BIN1: variants seen among roughly 807,000 people sequenced by gnomAD.
BIN1 encodes myc box-dependent-interacting protein 1.
Under a neutral mutation model 82.0 loss-of-function variants are expected in BIN1, and 53 were observed. The ratio of observed to expected loss-of-function variants is 0.65; its 90% CI spans 0.52 to 0.81. The LOEUF is 0.81. Ranked by LOEUF, BIN1 falls within the 40% of genes least tolerant of loss-of-function variation. The pLI is 0.00. For missense variants in BIN1, 642 were observed against 784.4 expected, an observed-to-expected ratio of 0.82 and a Z score of 2.17; for synonymous variants, 302 against 328.0, an observed-to-expected ratio of 0.92 and a Z score of 0.86.
chr2:127,051,302 G>C (rs1361563720), intron 15 of BIN1, 59 bp from the exon 16 acceptor site: 1 of 1,577,844 alleles, frequency 6.3e-7, no homozygotes, highest in Non-Finnish European at 8.7e-7. Flanking sequence ...CAGGACACAG[G>C]AAACAGGCCA....
In BIN1 at chr2:127,105,467, CCCTCCT is replaced by C. The variant is rs70985434; in HGVS notation, c.84+1387_84+1392del. Among the ~76,000 whole-genome samples, 80 of 55,804 alleles carry C rather than the reference CCCTCCT, an allele frequency of 1.4e-3. 1 individual carries two copies. The South Asian group carries it at 0.021, about 15-fold the overall frequency. The allele number at this position is 55,804 out of a possible 152,430, so 36.6% of individuals were successfully genotyped here. A position where few individuals can be genotyped will look rare whatever the true frequency, so the allele number is the denominator to read the frequency against. On this transcript the variant is annotated intron_variant, in intron 1 of 18. Coordinates refer to ENST00000316724, the MANE Select transcript of BIN1 (RefSeq NM_139343.3). ...AGCCAGCTATTCCTGGGGCTTTAAT[CCCTCCT>C]CCTCCTCCTCCTCCTCCTCCTCCTC... is the stretch of plus-strand genomic sequence containing the variant.
chr2:127,057,350 G>T lies in BIN1; in HGVS notation c.1131+123C>A. 7.7e-7 allele frequency: 1 copy of T among 1,301,568 alleles called. No individual in the cohort carries two copies. Among genetic ancestry groups the T allele is most frequent in the Non-Finnish European group, 1.0e-6 (1 of 986,522 alleles). 80.6% of individuals were successfully genotyped at this position (1,301,568 alleles called of 1,614,324 possible). ...TGGAGGGAACAAAGGGTGAGAGAGGGAAACTGACACTCTCTCTGGCCAGAT... is the reference window on the plus strand; with the variant it reads ...TGGAGGGAACAAAGGGTGAGAGAGGTAAACTGACACTCTCTCTGGCCAGAT... On this transcript the variant is annotated intron_variant, in intron 12 of 18. Coordinates refer to ENST00000316724, the MANE Select transcript of BIN1 (RefSeq NM_139343.3). This position sits in a 1 kb window ranked among gnomAD's most constrained non-coding sequence, Gnocchi z 5.0.
At chr2:127,051,633 C>T (rs1185435425) in intron 15 of BIN1, among the ~76,000 whole-genome samples, 1 of 152,224 alleles carries the variant, frequency 6.6e-6, no homozygotes, top group African/African-American at 2.4e-5. Context: ...TCTTGCTGCA[C>T]CTATAGATAG....
At chr2:127,074,790 C>T (rs1290098512) in intron 2 of BIN1, among the ~76,000 whole-genome samples, 1 of 152,216 alleles carries the variant, frequency 6.6e-6, no homozygotes, top group Non-Finnish European at 1.5e-5. Flanking sequence ...GCAACCTCTG[C>T]CTCCCAGGTT....
chr2:127,051,935 A>T (rs1183704651), intron 15 of BIN1, among the ~76,000 whole-genome samples: 5 of 152,170 alleles, frequency 3.3e-5, no homozygotes, highest in Admixed American at 6.5e-5. Flanking sequence ...CTGGCTGTAA[A>T]GGTGATGACG....
At chr2:127,076,914 C>T (rs377066598) in intron 1 of BIN1, among the ~76,000 whole-genome samples, 73 of 152,126 alleles carry the variant, frequency 4.8e-4, no homozygotes, top group African/African-American at 1.6e-3. Context: ...ACCCAGGGCT[C>T]GACAATAGGC....
chr2:127,060,598 GTTC>G (rs756515176), intron 10 of BIN1: 23 of 1,614,204 alleles, frequency 1.4e-5, no homozygotes, highest in Middle Eastern at 1.6e-4. Flanking sequence ...GCCGGTACCT[GTTC>G]TTCTTTCTGC....
At chr2:127,094,330 C>T (rs1679307642) in intron 1 of BIN1, among the ~76,000 whole-genome samples, 1 of 152,244 alleles carries the variant, frequency 6.6e-6, no homozygotes, top group African/African-American at 2.4e-5. Flanking sequence ...GCCTCACATG[C>T]CAATTCACTT....
rs116251462 is a variant in BIN1, at chr2:127,063,883, C to T, written c.698+50G>A. ...AGCACGCAGACTGGGCACCGCAGCACGCAGACTGGACACTGCCCCACGCAG... is the reference window on the plus strand; with the variant it reads ...AGCACGCAGACTGGGCACCGCAGCATGCAGACTGGACACTGCCCCACGCAG... On this transcript the variant is annotated intron_variant, in intron 8 of 18. Coordinates refer to ENST00000316724, the MANE Select transcript of BIN1 (RefSeq NM_139343.3). 8.7e-4 allele frequency: 1,399 copies of T among 1,609,302 alleles called. 7 individuals carry two copies. The African/African-American group carries it at 0.016, about 19-fold the overall frequency.
rs200357251 is a variant in BIN1 at position 127,106,833 on chromosome 2, C to A, written c.84+27G>T. On this transcript the variant is annotated intron_variant, in intron 1 of 18. Transcript: ENST00000316724. ...GGGCTCCGCGGCGGCTGGGACTCCGCGGCTGCTGGGGCTCCGGCTCGCTCA... is the reference window on the plus strand; with the variant it reads ...GGGCTCCGCGGCGGCTGGGACTCCGAGGCTGCTGGGGCTCCGGCTCGCTCA... 8.4e-5 allele frequency: 132 copies of A among 1,578,314 alleles called. 1 individual carries two copies. In the African/African-American group the frequency reaches 1.6e-3, roughly 20 times the overall value.
rs1678724770 is a variant in BIN1 at position 127,090,103 on chromosome 2, C to G, written c.85-13397G>C. ...CCTTGGAACAGCATATACCAACCAC[C>G]CCCCTTCCTCTCTCCAATCAAGCTC... On this transcript the variant is annotated intron_variant, in intron 1 of 18. Transcript: ENST00000316724. The surrounding 1 kb of genome is among the most constrained non-coding windows in gnomAD (Gnocchi z 6.4). Among the ~76,000 whole-genome samples the G allele has an allele frequency of 6.6e-6, 1 of 152,082 alleles. No homozygotes were observed. The highest frequency in any genetic ancestry group is 1.5e-5 in the Non-Finnish European group (1 of 68,000).
intron 18 of BIN1, among the ~76,000 whole-genome samples, chr2:127,049,118 G>A (rs559691677): frequency 2.2e-4 from 33 of 152,332 alleles, no homozygotes; most frequent in Non-Finnish European, 3.8e-4. Context: ...ACGGGGAGCC[G>A]TATGGCCATC....
rs894823575 is a variant in BIN1 at position 127,048,380 on chromosome 2, G to C, written c.*146C>G. ...CTTTGGAAAACGACCTAATCTTTGG[G>C]AGAACGCCCCTCTGCCTGGGGGTCT... On this transcript the variant is annotated 3_prime_UTR_variant, in exon 19 of 19. Coordinates refer to ENST00000316724, the MANE Select transcript of BIN1 (RefSeq NM_139343.3). 2.7e-6 allele frequency: 2 copies of C among 744,472 alleles called. No homozygotes were observed. Among genetic ancestry groups the C allele is most frequent in the African/African-American group, 1.8e-5 (1 of 56,692 alleles). The allele number at this position is 744,472 out of a possible 1,614,324, so 46.1% of individuals were successfully genotyped here.
At chr2:127,074,284 C>T (rs759817338) in intron 2 of BIN1, among the ~76,000 whole-genome samples, 6 of 152,162 alleles carry the variant, frequency 3.9e-5, no homozygotes, top group Non-Finnish European at 8.8e-5. Flanking sequence ...CTGGTCCCCA[C>T]ACCCTGCCAT....
intron 1 of BIN1, among the ~76,000 whole-genome samples, chr2:127,080,594 G>A (rs969433150): frequency 1.3e-4 from 20 of 152,316 alleles, no homozygotes; most frequent in Non-Finnish European, 1.9e-4. Flanking sequence ...GGCGGCGGAC[G>A]AGACACACAG....
intron 1 of BIN1, 40 bp downstream of exon 1, chr2:127,106,820 G>GGCTGGGACTCCGCGGCT (rs1367810250): frequency 5.7e-6 from 9 of 1,565,972 alleles, no homozygotes; most frequent in South Asian, 2.4e-5. Context: ...GCTCCGCGGC[G>GGCTGGGACTCCGCGGCT]GCTGGGACTC....
chr2:127,069,071 C>A, intron 5 of BIN1, 40 bp from the exon 6 acceptor site: 2 of 1,589,448 alleles, frequency 1.3e-6, no homozygotes, highest in East Asian at 2.2e-5. Flanking sequence ...GGGCCTGGCA[C>A]CCCTGCTGAG....
chr2:127,099,005 C>G (rs962824663), intron 1 of BIN1, among the ~76,000 whole-genome samples: 1 of 152,192 alleles, frequency 6.6e-6, no homozygotes, highest in Non-Finnish European at 1.5e-5. Flanking sequence ...TGATGAGGAG[C>G]GATCCTGGGT....
chr2:127,071,222 G>A (rs1685851271), intron 2 of BIN1, among the ~76,000 whole-genome samples: 2 of 152,176 alleles, frequency 1.3e-5, no homozygotes, highest in South Asian at 2.1e-4. Flanking sequence ...CAGGAGTATG[G>A]GCAAGGCAGG....
Sources: gnomAD v4.1 joint callset for allele counts (sites outside exome capture counted in the v4.1 genomes callset) on GRCh38, gnomAD v4.1.1 for gene constraint, Gnocchi (gnomAD v3.1) non-coding constraint, MANE v1.5 for transcripts, NCBI Gene and HGNC (gene_info 2026-07-23, HGNC 2026-07-21) for gene names.